Variants in RASGRF1 observed in about 807,000 individuals in gnomAD.
The protein encoded by RASGRF1 is ras-specific guanine nucleotide-releasing factor 1.
Under a neutral mutation model 138.7 loss-of-function variants are expected in RASGRF1, and 40 were observed. The observed-to-expected ratio is 0.29, with a 90% CI of 0.22 to 0.38. RASGRF1 has a LOEUF of 0.38. Ranked by LOEUF, RASGRF1 falls within the 10% of genes least tolerant of loss-of-function variation. RASGRF1 has a pLI of 1.00. For synonymous variants in RASGRF1, 614 were observed against 663.2 expected, an observed-to-expected ratio of 0.93 and a Z score of 1.14; for missense variants, 1,108 against 1,650.4, an observed-to-expected ratio of 0.67 and a Z score of 5.69.
chr15:79,006,176 C>T lies in RASGRF1; in HGVS notation c.2075+10G>A, dbSNP rs2056670007. 7 of 1,613,948 alleles carry T rather than the reference C, an allele frequency of 4.3e-6. No individual in the cohort carries two copies. The highest frequency in any genetic ancestry group is 1.3e-5 in the African/African-American group (1 of 75,032). ...CTCCGGGCATGGGAGGAGGAGGGCA[C>T]CTCAGCCACCTGGCAGGAATGGCAC... On this transcript the variant is annotated intron_variant, in intron 14 of 26. Coordinates refer to ENST00000558480, the MANE Select transcript of RASGRF1 (RefSeq NM_001145648.3). The surrounding 1 kb of genome is among the most constrained non-coding windows in gnomAD (Gnocchi z 4.0).
In RASGRF1 at chr15:79,035,118, G is replaced by A. The variant is rs1351965219; in HGVS notation, c.958+13C>T. ...GACTTCTCTGGGGGCCGCAGTGAGG[G>A]CTGACTACTCACCCAGGACCAGCGT... is the stretch of plus-strand genomic sequence containing the variant. On this transcript the variant is annotated intron_variant, in intron 6 of 26. Transcript: ENST00000558480. 6.2e-7 allele frequency: 1 copy of A among 1,607,040 alleles called. No homozygotes were observed. Among genetic ancestry groups the A allele is most frequent in the Non-Finnish European group, 8.5e-7 (1 of 1,174,480 alleles).
Position 79,006,550 on chromosome 15 carries a change from T to G in RASGRF1, c.1827-116A>C, listed in dbSNP as rs2056678782. On this transcript the variant is annotated intron_variant, in intron 13 of 26. Coordinates refer to ENST00000558480, the MANE Select transcript of RASGRF1 (RefSeq NM_001145648.3). This position sits in a 1 kb window ranked among gnomAD's most constrained non-coding sequence, Gnocchi z 4.0. ...CACTGACAACACAGGATGGTCTTAT[T>G]AAGAGAACAAGCTTGGGAAGGATGA... 1 of 1,286,532 alleles carries G rather than the reference T, an allele frequency of 7.8e-7. No individual in the cohort carries two copies. The allele number at this position is 1,286,532 out of a possible 1,614,324, so 79.7% of individuals were successfully genotyped here.
chr15:79,048,747 G>A (rs533302102), intron 4 of RASGRF1, among the ~76,000 whole-genome samples: 66 of 152,366 alleles, frequency 4.3e-4, no homozygotes, highest in African/African-American at 1.5e-3. Context: ...CTGGTACGCT[G>A]AACTTGGCCC....
chr15:79,060,073 C>T (rs1368031084), intron 2 of RASGRF1, among the ~76,000 whole-genome samples: 1 of 151,222 alleles, frequency 6.6e-6, no homozygotes, highest in Non-Finnish European at 1.5e-5. Flanking sequence ...TAGTGTCCGC[C>T]TCTGGTCTTA....
intron 21 of RASGRF1, 33 bp downstream of exon 21, chr15:78,991,658 C>A: frequency 6.4e-7 from 1 of 1,550,550 alleles, no homozygotes; most frequent in South Asian, 1.1e-5. Context: ...CCTGAGGAAG[C>A]GGGGGGAGGC....
intron 24 of RASGRF1, chr15:78,978,750 G>C: frequency 8.9e-7 from 1 of 1,117,900 alleles, no homozygotes; most frequent in Non-Finnish European, 1.1e-6. Context: ...AGCCTCAGGA[G>C]AGGGGGTGCG....
intron 3 of RASGRF1, among the ~76,000 whole-genome samples, chr15:79,053,913 A>T (rs969857474): frequency 6.6e-6 from 1 of 152,256 alleles, no homozygotes; most frequent in Non-Finnish European, 1.5e-5. Context: ...AGAGCTGGTC[A>T]TGAAAAAAGT....
At chr15:79,061,853 G>A (rs1161955534) in intron 2 of RASGRF1, among the ~76,000 whole-genome samples, 1 of 152,212 alleles carries the variant, frequency 6.6e-6, no homozygotes, top group African/African-American at 2.4e-5. Context: ...CATGCATAAA[G>A]CTGCTAAGGG....
chr15:78,989,920 A>G (rs2056234065), intron 22 of RASGRF1, among the ~76,000 whole-genome samples: 1 of 152,228 alleles, frequency 6.6e-6, no homozygotes, highest in Non-Finnish European at 1.5e-5. Flanking sequence ...GTGAGGGCTC[A>G]CAGCGAGCCA....
At chr15:79,026,765 G>A in intron 9 of RASGRF1, among the ~76,000 whole-genome samples, 1 of 152,154 alleles carries the variant, frequency 6.6e-6, no homozygotes, top group Non-Finnish European at 1.5e-5. Flanking sequence ...AGGTCCACTT[G>A]GGGTTCCTTC....
chr15:79,058,590 A>T (rs1438710184), intron 2 of RASGRF1, 109 bp from the exon 3 acceptor site: 60 of 1,402,822 alleles, frequency 4.3e-5, no homozygotes, highest in Non-Finnish European at 5.7e-5. Flanking sequence ...CACTTAGCAG[A>T]AGGCCCTGAC....
At position 78,991,771 on chromosome 15, in the gene RASGRF1, G is replaced by C; in HGVS notation, c.3051C>G (p.Pro1017=). 6.2e-7 allele frequency: 1 copy of C among 1,613,992 alleles called. No homozygotes were observed. Among genetic ancestry groups the C allele is most frequent in the Non-Finnish European group, 8.5e-7 (1 of 1,179,838 alleles). Reference sequence around the variant, plus strand: ...TCTCCAGGGCTGAGTGGTTTTCAAAGGGCTCAGCCTTCACGCCTTCAGCCT... The same window carrying C: ...TCTCCAGGGCTGAGTGGTTTTCAAACGGCTCAGCCTTCACGCCTTCAGCCT... ...TQMAEGVKAE[P]FENHSALEIA... Residue 1017 remains proline (P), a synonymous_variant, in exon 21 of 27, where the codon CCC becomes CCG. Coordinates refer to ENST00000558480, the MANE Select transcript of RASGRF1 (RefSeq NM_001145648.3).
intron 1 of RASGRF1, among the ~76,000 whole-genome samples, chr15:79,077,140 A>AT (rs2141092188): frequency 6.6e-6 from 1 of 152,206 alleles, no homozygotes; most frequent in Non-Finnish European, 1.5e-5. Flanking sequence ...TCTTGTTTTC[A>AT]TTTTTTGGGA....
rs1037551152 is a variant in RASGRF1, at chr15:78,990,391, A to G, written c.3132-118T>C. The G allele has an allele frequency of 1.0e-5, 7 of 690,856 alleles. No homozygotes were observed. The African/African-American group carries it at 1.2e-4, about 12-fold the overall frequency. 42.8% of individuals were successfully genotyped at this position (690,856 alleles called of 1,614,324 possible). ...TTGAGGCTGTCATTTCTGGGGGAAC[A>G]ACCTTCTGCAGAGCCCTGGAAGGAA... On this transcript the variant is annotated intron_variant, in intron 21 of 26. Transcript: ENST00000558480.
At chr15:79,035,076 G>T in intron 6 of RASGRF1, 55 bp downstream of exon 6, 1 of 1,463,284 alleles carries the variant, frequency 6.8e-7, no homozygotes, top group Non-Finnish European at 9.4e-7. Flanking sequence ...AGGCTTTTGG[G>T]GTGGCCCCTG....
chr15:79,062,490 G>A (rs1212340300), intron 2 of RASGRF1, among the ~76,000 whole-genome samples: 1 of 152,160 alleles, frequency 6.6e-6, no homozygotes, highest in Non-Finnish European at 1.5e-5. Flanking sequence ...TTATGGTCTG[G>A]TTGCAGCCCA....
intron 19 of RASGRF1, among the ~76,000 whole-genome samples, chr15:78,997,787 C>T (rs991169090): frequency 3.3e-5 from 5 of 151,604 alleles, no homozygotes; most frequent in Non-Finnish European, 7.4e-5. Context: ...TAGTGCCTAC[C>T]ATATTGGATG....
chr15:79,052,945 T>TG (rs1319426441), intron 3 of RASGRF1, among the ~76,000 whole-genome samples: 1 of 152,122 alleles, frequency 6.6e-6, no homozygotes, highest in Non-Finnish European at 1.5e-5. Context: ...TTTTGTATAT[T>TG]GGGGTTCCAC....
rs545140263 is a variant in RASGRF1 at position 79,005,249 on chromosome 15, G to A, written c.2075+937C>T. On this transcript the variant is annotated intron_variant, in intron 14 of 26. Transcript: ENST00000558480. Reference sequence around the variant, plus strand: ...GAACGGGTGTATTCTGGGTCGTTGCGTTGCTCTGGCAGCAGAGGTGTGGAT... The same window carrying A: ...GAACGGGTGTATTCTGGGTCGTTGCATTGCTCTGGCAGCAGAGGTGTGGAT... The A allele has an allele frequency of 2.8e-4, 276 of 985,680 alleles. 2 individuals are homozygous for A. The African/African-American group carries it at 4.4e-3, about 16-fold the overall frequency. 61.1% of individuals were successfully genotyped at this position (985,680 alleles called of 1,614,324 possible). A position where few individuals can be genotyped will look rare whatever the true frequency, so the allele number is the denominator to read the frequency against.
Sources: allele counts gnomAD v4.1 joint callset (sites outside exome capture counted in the v4.1 genomes callset), GRCh38; gene constraint gnomAD v4.1.1; non-coding constraint Gnocchi (gnomAD v3.1); transcripts MANE v1.5; gene names NCBI Gene and HGNC (gene_info 2026-07-23, HGNC 2026-07-21).